KREMEN1: variants seen among roughly 807,000 people sequenced by gnomAD.
The protein encoded by KREMEN1 is kringle containing transmembrane protein 1.
A neutral mutation model predicts 46.5 loss-of-function variants in KREMEN1; 30 were observed. The ratio of observed to expected loss-of-function variants is 0.65; its 90% CI spans 0.48 to 0.88. The LOEUF (loss-of-function observed/expected upper bound fraction) is 0.88, where lower values mean the gene tolerates loss of function less well. Among genes scored for constraint, KREMEN1 ranks in the 40% least tolerant of loss-of-function variants. The pLI, the probability that KREMEN1 is intolerant of heterozygous loss-of-function variation, is 0.00. For missense variants in KREMEN1, 533 were observed against 596.9 expected (o/e 0.89, Z 1.11); for synonymous variants, 214 against 230.6 (o/e 0.93, Z 0.65).
At chr22:29,093,283 A>C (rs572185093) in intron 1 of KREMEN1, among the ~76,000 whole-genome samples, 2 of 152,342 alleles carry the variant, frequency 1.3e-5, no homozygotes, top group South Asian at 4.1e-4. Context: ...GAAGGAAAGA[A>C]ATGCAGCTAA....
chr22:29,121,737 T>C (rs544692565), intron 4 of KREMEN1, among the ~76,000 whole-genome samples: 2 of 152,370 alleles, frequency 1.3e-5, no homozygotes, highest in East Asian at 3.9e-4. Context: ...TTCTGGGTTA[T>C]GAATGTTCTG....
chr22:29,137,735 T>A, intron 6 of KREMEN1, 61 bp downstream of exon 6: 1 of 1,357,548 alleles, frequency 7.4e-7, no homozygotes, highest in Non-Finnish European at 1.0e-6. Context: ...GCTTCTCTTC[T>A]TCACCCTTGT....
chr22:29,163,446 C>G (rs1220882456), intron 9 of KREMEN1, among the ~76,000 whole-genome samples: 3 of 151,626 alleles, frequency 2.0e-5, no homozygotes, highest in Non-Finnish European at 4.4e-5. Flanking sequence ...GGCGCGAACT[C>G]GGCTCACTGC....
At chr22:29,092,361 C>G (rs1054518867) in intron 1 of KREMEN1, among the ~76,000 whole-genome samples, 1 of 152,088 alleles carries the variant, frequency 6.6e-6, no homozygotes, top group Non-Finnish European at 1.5e-5. Context: ...TAAGGTACCT[C>G]TCTGGGTTGG....
chr22:29,095,423 A>T (rs1037028721), intron 2 of KREMEN1, among the ~76,000 whole-genome samples: 1 of 152,216 alleles, frequency 6.6e-6, no homozygotes, highest in Non-Finnish European at 1.5e-5. Context: ...GGTCCAGAAC[A>T]AAGACTGTAA....
At chr22:29,150,360 TG>T (rs1415233403), downstream of KREMEN1, among the ~76,000 whole-genome samples, 2 of 152,180 alleles carry the variant, frequency 1.3e-5, no homozygotes, top group Admixed American at 1.3e-4. Context: ...CCGTTAGCTC[TG>T]GGTGACTGAG....
chr22:29,157,865 G>T (rs980803369), intron 9 of KREMEN1, among the ~76,000 whole-genome samples: 1 of 152,236 alleles, frequency 6.6e-6, no homozygotes. Flanking sequence ...CACCATCTGT[G>T]TCACAAACAG....
At position 29,146,574 on chromosome 22, in the gene KREMEN1, G is replaced by A; in HGVS notation, c.*4462G>A. 5.1e-6 allele frequency: 5 copies of A among 985,614 alleles called. No homozygotes were observed. The highest frequency in any genetic ancestry group is 6.0e-6 in the Non-Finnish European group (5 of 829,916). The allele number at this position is 985,614 out of a possible 1,614,324, so 61.1% of individuals were successfully genotyped here. On this transcript the variant is annotated 3_prime_UTR_variant, in exon 9 of 9. Transcript: ENST00000400335. ...CACATCCAAACTCAGCTTCCAGCAGGGATTTTGACTTTGGATGACAAGGCT... is the reference window on the plus strand; with the variant it reads ...CACATCCAAACTCAGCTTCCAGCAGAGATTTTGACTTTGGATGACAAGGCT...
At chr22:29,147,130 C>T (rs1255834606), downstream of KREMEN1, among the ~76,000 whole-genome samples, 1 of 152,238 alleles carries the variant, frequency 6.6e-6, no homozygotes. Context: ...GGCCTAGATC[C>T]AGTCCCTCGA....
downstream of KREMEN1, among the ~76,000 whole-genome samples, chr22:29,147,955 A>G (rs188694065): frequency 2.7e-4 from 41 of 152,314 alleles, no homozygotes; most frequent in African/African-American, 8.9e-4. Context: ...GGCTGTATGA[A>G]TTATTATTAC....
At chr22:29,153,201 G>A (rs757756513) in intron 9 of KREMEN1, among the ~76,000 whole-genome samples, 7 of 152,294 alleles carry the variant, frequency 4.6e-5, no homozygotes, top group Non-Finnish European at 8.8e-5. Flanking sequence ...TGGTTTTGGC[G>A]GGTTTTGTCC....
At chr22:29,167,132 G>A (rs139398195) in exon 10 of KREMEN1, 1 of 1,543,056 alleles carries the variant, frequency 6.5e-7, no homozygotes, top group South Asian at 1.2e-5. Flanking sequence ...GGCTCCGTGG[G>A]CATATCTGGG....
chr22:29,112,961 C>T (rs933750940), intron 3 of KREMEN1, among the ~76,000 whole-genome samples: 1 of 152,190 alleles, frequency 6.6e-6, no homozygotes, highest in African/African-American at 2.4e-5. Context: ...GGCAGTGGCC[C>T]CCTCAGAGGC....
At chr22:29,122,275 C>G (rs572097553) in intron 4 of KREMEN1, among the ~76,000 whole-genome samples, 1 of 152,330 alleles carries the variant, frequency 6.6e-6, no homozygotes, top group Admixed American at 6.5e-5. Flanking sequence ...CACTGCACAC[C>G]ACTTCAGGAT....
At chr22:29,138,879 T>C (rs1260243329) in intron 7 of KREMEN1, 97 bp downstream of exon 7, 1 of 1,565,384 alleles carries the variant, frequency 6.4e-7, no homozygotes, top group Non-Finnish European at 8.8e-7. Context: ...TGGGTGTTTC[T>C]TATTCAGAGG....
rs531604448 is a variant in KREMEN1 at position 29,138,783 on chromosome 22, G to A, written c.1123+1G>A. ...AGCCACCCACCTCAGACTGTCCCAG[G>A]TAGCAATTCCTGGGCGCCACCCATG... On this transcript the variant is annotated splice_donor_variant, in intron 7 of 8. Coordinates refer to ENST00000400335, the MANE Select transcript of KREMEN1 (RefSeq NM_001039570.3). LOFTEE classifies it high-confidence loss of function. 1 of 1,614,224 alleles carries A rather than the reference G, an allele frequency of 6.2e-7. No homozygotes were observed. Among genetic ancestry groups the A allele is most frequent in the Non-Finnish European group, 8.5e-7 (1 of 1,180,042 alleles).
chr22:29,108,781 G>C (rs536195773), intron 3 of KREMEN1, among the ~76,000 whole-genome samples: 1 of 152,262 alleles, frequency 6.6e-6, no homozygotes, highest in South Asian at 2.1e-4. Flanking sequence ...GAACACAAGA[G>C]GCCCCACGTT....
In KREMEN1 at chr22:29,100,242, A is replaced by G. The variant is rs542197943; in HGVS notation, c.352+1289A>G. Among the ~76,000 whole-genome samples, 5 of 151,992 alleles carry G rather than the reference A, an allele frequency of 3.3e-5. No individual in the cohort carries two copies. The South Asian group carries it at 1.0e-3, about 32-fold the overall frequency. Reference sequence around the variant, plus strand: ...GTGATTCTCCTGCCTCAGCCTCCCGAGTAGCTGGGATTACAGGCATGTGCC... The same window carrying G: ...GTGATTCTCCTGCCTCAGCCTCCCGGGTAGCTGGGATTACAGGCATGTGCC... On this transcript the variant is annotated intron_variant, in intron 3 of 8. Coordinates refer to ENST00000400335, the MANE Select transcript of KREMEN1 (RefSeq NM_001039570.3).
rs569779041 is a variant in KREMEN1, at chr22:29,127,758, C to T, written c.631+2342C>T. Among the ~76,000 whole-genome samples the T allele has an allele frequency of 5.5e-4, 84 of 152,160 alleles. No individual in the cohort carries two copies. The South Asian group carries it at 0.015, about 26-fold the overall frequency. ...GGTATATACCTGAGAGAACTGAAAA[C>T]ATGTTTCCACAAAAAACATACATAC... On this transcript the variant is annotated intron_variant, in intron 5 of 8. Transcript: ENST00000400335.
Sources: allele counts gnomAD v4.1 joint callset (sites outside exome capture counted in the v4.1 genomes callset), GRCh38; gene constraint gnomAD v4.1.1; transcripts MANE v1.5; gene names NCBI Gene and HGNC (gene_info 2026-07-23, HGNC 2026-07-21).